The following ARL10 variants were observed in gnomAD, a reference collection of about 807,000 sequenced individuals.
The protein encoded by ARL10 is ADP-ribosylation factor-like protein 10.
ARL10 carries 23 observed loss-of-function variants against 26.1 expected under a neutral mutation model. The ratio of observed to expected loss-of-function variants is 0.88; its 90% CI spans 0.63 to 1.25. The LOEUF is 1.25. ARL10 is among the 50% of genes most tolerant of loss of function. ARL10 has a pLI of 0.00. For synonymous variants in ARL10, 138 were observed against 149.1 expected, an observed-to-expected ratio of 0.93 and a Z score of 0.54; for missense variants, 300 against 323.6, an observed-to-expected ratio of 0.93 and a Z score of 0.56.
At chr5:176,396,001 T>G (rs111255225) in intron 1 of ARL10, among the ~76,000 whole-genome samples, 1,867 of 152,122 alleles carry the variant, frequency 0.012, 39 homozygotes, top group African/African-American at 0.042. Flanking sequence ...CGGGCACGGT[T>G]GCATGTGCCT....
downstream of ARL10, chr5:176,392,758 T>C (rs1235765104): frequency 3.1e-6 from 5 of 1,613,120 alleles, no homozygotes; most frequent in African/African-American, 1.3e-5. This position sits in a 1 kb window ranked among gnomAD's most constrained non-coding sequence, Gnocchi z 5.2. Flanking sequence ...TCTGTGGCCA[T>C]GCACCTAGCA....
intron 1 of ARL10, among the ~76,000 whole-genome samples, chr5:176,395,832 T>C (rs757400884): frequency 2.6e-5 from 4 of 152,130 alleles, no homozygotes; most frequent in Non-Finnish European, 4.4e-5. Flanking sequence ...GTGTCTGTTT[T>C]GTTGAATAAA....
intron 1 of ARL10, chr5:176,397,727 C>T (rs1260012010): frequency 3.1e-6 from 5 of 1,610,542 alleles, no homozygotes; most frequent in Admixed American, 1.7e-5. Flanking sequence ...ATCTAGGACC[C>T]CACAAGAGAA....
downstream of ARL10, among the ~76,000 whole-genome samples, chr5:176,391,849 A>C (rs1367038218): frequency 6.6e-6 from 1 of 152,242 alleles, no homozygotes; most frequent in African/African-American, 2.4e-5. Context: ...ATGAGACAAT[A>C]AATTTCTGTT....
At chr5:176,382,045 G>A (rs1337716768), downstream of ARL10, 1 of 152,260 alleles carries the variant, frequency 6.6e-6, no homozygotes, top group Admixed American at 6.5e-5. Context: ...TGGGTTGGTG[G>A]TCAGCAGCTG....
downstream of ARL10, chr5:176,401,867 C>T (rs1184207007): frequency 6.9e-6 from 3 of 437,860 alleles, no homozygotes; most frequent in Non-Finnish European, 1.4e-5. Context: ...CCTGTCATCA[C>T]AATCTCTAAA....
chr5:176,414,000 G>T, the ARL10 span, among the ~76,000 whole-genome samples: 197 of 152,262 alleles, frequency 1.3e-3, 1 homozygote, highest in African/African-American at 4.5e-3. Flanking sequence ...GACAGAACTT[G>T]CCATCCAGAC....
the ARL10 span, among the ~76,000 whole-genome samples, chr5:176,413,097 C>T: frequency 3.3e-5 from 5 of 152,140 alleles, no homozygotes; most frequent in Admixed American, 2.6e-4. Flanking sequence ...CCTTAAGAGT[C>T]CACACACACC....
At chr5:176,388,950 G>A (rs368403971), downstream of ARL10, 35 of 1,614,166 alleles carry the variant, frequency 2.2e-5, no homozygotes, top group African/African-American at 4.4e-4. Context: ...CGCAAGACCC[G>A]CGAGAACCCG....
chr5:176,414,930 C>T, the ARL10 span, among the ~76,000 whole-genome samples: 6 of 152,326 alleles, frequency 3.9e-5, no homozygotes, highest in Admixed American at 6.5e-5. Context: ...TGGATACAAA[C>T]ATGACTGTGA....
rs890335741 is a variant in ARL10, at chr5:176,365,665, C to A, written c.102C>A (p.Arg34=). ...LFILWKTYFG[R]GRERRWDRGE... ...TCCTCTGGAAGACCTACTTCGGCCG[C>A]GGCCGAGAGCGGCGCTGGGACCGGG... The change falls in exon 1 of 4, where the codon CGC becomes CGA. Residue 34 remains arginine (R), a synonymous_variant. Transcript: ENST00000310389. 4.0e-6 allele frequency: 5 copies of A among 1,248,576 alleles called. No homozygotes were observed. The highest frequency in any genetic ancestry group is 3.6e-5 in the South Asian group (1 of 27,718). The allele number at this position is 1,248,576 out of a possible 1,614,324, so 77.3% of individuals were successfully genotyped here. A position where few individuals can be genotyped will look rare whatever the true frequency, so the allele number is the denominator to read the frequency against.
At position 176,368,964 on chromosome 5, in the gene ARL10, C is replaced by T. The variant is rs1768431125; in HGVS notation, c.543C>T (p.Val181=). ...LLDKDPDLPV[V]VVANKQDLSE... is the part of the protein sequence containing the mutation. ...ACAAGGACCCTGACCTGCCTGTCGT[C>T]GTGGTGGCCAACAAGCAGGTGAGGG... is the stretch of plus-strand genomic sequence containing the variant. The change falls in exon 3 of 4, where the codon GTC becomes GTT. Residue 181 remains valine, a synonymous_variant. Coordinates refer to ENST00000310389, the MANE Select transcript of ARL10 (RefSeq NM_173664.6). This position sits in a 1 kb window ranked among gnomAD's most constrained non-coding sequence, Gnocchi z 4.1. The T allele has an allele frequency of 1.1e-5, 18 of 1,614,004 alleles. No homozygotes were observed. Among genetic ancestry groups the T allele is most frequent in the Non-Finnish European group, 1.5e-5 (18 of 1,180,010 alleles).
chr5:176,414,427 AG>A, the ARL10 span, among the ~76,000 whole-genome samples: 1 of 141,440 alleles, frequency 7.1e-6, no homozygotes, highest in African/African-American at 2.7e-5. Context: ...TGACTGCTAT[AG>A]AATCTTTTTT....
At chr5:176,385,919 GAA>G (rs1755810144), downstream of ARL10, 1 of 152,606 alleles carries the variant, frequency 6.6e-6, no homozygotes, top group Non-Finnish European at 1.5e-5. Context: ...GAAAGAGAGA[GAA>G]AGAGCTACCT....
chr5:176,389,345 G>A (rs1488988072), downstream of ARL10: 2 of 1,613,400 alleles, frequency 1.2e-6, no homozygotes, highest in East Asian at 2.2e-5. Flanking sequence ...CCTGGCCACG[G>A]CGGCCGCCCT....
rs922936509 is a variant in ARL10 at position 176,387,081 on chromosome 5, T to G, written c.37-1214T>G. ...GAGGCTTTTTCTCTCTCTCTCTCTT[T>G]TTTTTTTTCTTTTTCTTTTTGAGAC... On this transcript the variant is annotated intron_variant, in intron 1 of 1. Transcript: ENST00000503175. 1.0e-4 allele frequency: 60 copies of G among 584,502 alleles called. No individual in the cohort carries two copies. The Admixed American group carries it at 1.8e-3, about 18-fold the overall frequency. 36.2% of individuals were successfully genotyped at this position (584,502 alleles called of 1,614,324 possible).
intron 3 of ARL10, 117 bp from the exon 4 acceptor site, chr5:176,371,605 G>C (rs1768548118): frequency 4.6e-6 from 3 of 658,898 alleles, no homozygotes; most frequent in Non-Finnish European, 8.2e-6. Context: ...CCTAAGAACA[G>C]TGTGTTTCCT....
the ARL10 span, among the ~76,000 whole-genome samples, chr5:176,409,130 C>T: frequency 1.3e-5 from 2 of 151,984 alleles, no homozygotes; most frequent in Non-Finnish European, 2.9e-5. Context: ...GCTTGTGCCA[C>T]CACACCCAGC....
chr5:176,407,368 G>A, the ARL10 span, among the ~76,000 whole-genome samples: 2 of 152,170 alleles, frequency 1.3e-5, no homozygotes, highest in East Asian at 1.9e-4. Context: ...TGCAGTGTGC[G>A]ATCTCAGCTC....
Sources: allele counts gnomAD v4.1 joint callset (sites outside exome capture counted in the v4.1 genomes callset), GRCh38; gene constraint gnomAD v4.1.1; non-coding constraint Gnocchi (gnomAD v3.1); transcripts MANE v1.5; gene names NCBI Gene and HGNC (gene_info 2026-07-23, HGNC 2026-07-21).